The following MALRD1 variants were observed in gnomAD, a reference collection of about 807,000 sequenced individuals.
MALRD1 encodes MAM and LDL receptor class A domain containing 1.
A neutral mutation model predicts 242.1 loss-of-function variants in MALRD1; 247 were observed. The observed-to-expected ratio is 1.02, with a 90% CI of 0.92 to 1.13. The LOEUF (loss-of-function observed/expected upper bound fraction) is 1.13, where lower values mean the gene tolerates loss of function less well. Among genes scored for constraint, MALRD1 ranks in the 50% most tolerant of loss-of-function variants. MALRD1 has a pLI of 0.00. For synonymous variants in MALRD1, 995 were observed against 866.6 expected (o/e 1.15, Z -2.60); for missense variants, 2,989 against 2,533.1 (o/e 1.18, Z -3.86).
chr10:19,679,964 T>G (rs996030699), intron 36 of MALRD1, among the ~76,000 whole-genome samples: 1 of 152,206 alleles, frequency 6.6e-6, no homozygotes, highest in Non-Finnish European at 1.5e-5. Context: ...TGGTTTTGAG[T>G]AAGTTTCTTA....
intron 35 of MALRD1, among the ~76,000 whole-genome samples, chr10:19,610,137 C>T (rs1838828321): frequency 6.6e-6 from 1 of 151,898 alleles, no homozygotes; most frequent in African/African-American, 2.4e-5. Flanking sequence ...TACAATTTGA[C>T]ATTTCAGTGC....
intron 28 of MALRD1, among the ~76,000 whole-genome samples, chr10:19,409,743 A>G (rs917781612): frequency 5.3e-5 from 8 of 152,188 alleles, no homozygotes; most frequent in African/African-American, 1.7e-4. Flanking sequence ...ATTCATAGTT[A>G]TCTCACAATA....
chr10:19,489,304 C>G, intron 29 of MALRD1: 2 of 511,016 alleles, frequency 3.9e-6, no homozygotes, highest in South Asian at 2.9e-5. Flanking sequence ...TGGCTAACCA[C>G]GAAAGTAAAG....
chr10:19,225,518 ATT>A (rs141050072), intron 18 of MALRD1, among the ~76,000 whole-genome samples: 31,303 of 151,838 alleles, frequency 0.21, 3,466 homozygotes, highest in East Asian at 0.35. Context: ...TTATATATAT[ATT>A]TTTTCTGTCA....
At chr10:19,578,668 G>A (rs1589260053) in intron 33 of MALRD1, among the ~76,000 whole-genome samples, 1 of 152,044 alleles carries the variant, frequency 6.6e-6, no homozygotes, top group South Asian at 2.1e-4. Context: ...CTCCAGCCTG[G>A]GGGACAGAAA....
chr10:19,529,534 G>GA (rs1834247377), intron 31 of MALRD1, among the ~76,000 whole-genome samples: 1 of 57,454 alleles, frequency 1.7e-5, no homozygotes, highest in Non-Finnish European at 3.2e-5. Context: ...AGAGAAGACA[G>GA]AAAAAAACAG....
At chr10:19,420,804 C>T (rs768860193) in intron 28 of MALRD1, among the ~76,000 whole-genome samples, 44 of 152,146 alleles carry the variant, frequency 2.9e-4, no homozygotes, top group Non-Finnish European at 4.1e-4. Context: ...GGGGTAGCAA[C>T]GTCATCAGAG....
chr10:19,519,226 A>T (rs1040632335), intron 31 of MALRD1, among the ~76,000 whole-genome samples: 7 of 151,982 alleles, frequency 4.6e-5, no homozygotes, highest in Admixed American at 6.6e-5. Context: ...GCATAATAGC[A>T]TTTATTTACA....
At chr10:19,192,373 A>C (rs555399063) in intron 14 of MALRD1, among the ~76,000 whole-genome samples, 1 of 152,180 alleles carries the variant, frequency 6.6e-6, no homozygotes, top group Non-Finnish European at 1.5e-5. Flanking sequence ...AATAAAGAAA[A>C]AGTAGGGGGA....
chr10:19,315,623 TTATAAATATTATTTATATAAATA>T (rs1564555287), intron 21 of MALRD1, among the ~76,000 whole-genome samples: 3 of 84,870 alleles, frequency 3.5e-5, no homozygotes, highest in African/African-American at 8.4e-5. Flanking sequence ...TTTATATAAA[TTATAAATATTATTTATATAAATA>T]TATAAATATT....
chr10:19,314,719 A>G (rs1842566646), intron 21 of MALRD1, among the ~76,000 whole-genome samples: 2 of 151,548 alleles, frequency 1.3e-5, no homozygotes, highest in African/African-American at 4.8e-5. Flanking sequence ...AGTAGTATCT[A>G]TGGCTGCTTT....
At chr10:19,311,771 AT>A (rs780827044) in intron 21 of MALRD1, among the ~76,000 whole-genome samples, 20 of 151,418 alleles carry the variant, frequency 1.3e-4, no homozygotes, top group Non-Finnish European at 2.7e-4. Flanking sequence ...TTCACTATTC[AT>A]GTTCAAATCA....
At position 19,125,322 on chromosome 10, in the gene MALRD1, C is replaced by CTTCTTTCT. The variant is rs1200202607; in HGVS notation, c.943+704_943+711dup. ...CCTTCCTTCCTTCCTTCCTTCCTTCCTTCTTTCTTTCTTTCTTTCTTTCTT... is the reference window on the plus strand; with the variant it reads ...CCTTCCTTCCTTCCTTCCTTCCTTCCTTCTTTCTTTCTTTCTTTCTTTCTTTCTTTCTT... On this transcript the variant is annotated intron_variant, in intron 7 of 39. Coordinates refer to ENST00000454679, the MANE Select transcript of MALRD1 (RefSeq NM_001142308.3). 3.8e-3 allele frequency among the ~76,000 whole-genome samples: 245 copies of CTTCTTTCT among 63,778 alleles called. 7 individuals carry two copies. Among genetic ancestry groups the CTTCTTTCT allele is most frequent in the Non-Finnish European group, 5.8e-3 (173 of 29,630 alleles). The allele number at this position is 63,778 out of a possible 152,430, so 41.8% of individuals were successfully genotyped here.
rs572023694 is a variant in MALRD1 at position 19,133,935 on chromosome 10, T to G, written c.1190T>G (p.Leu397Arg). The G allele has an allele frequency of 8.1e-7, 1 of 1,228,162 alleles. No homozygotes were observed. The highest frequency in any genetic ancestry group is 4.2e-5 in the Admixed American group (1 of 23,684). 76.1% of individuals were successfully genotyped at this position (1,228,162 alleles called of 1,614,324 possible). The change falls in exon 9 of 40, where the codon CTG (leucine) becomes CGG (arginine). Residue 397 changes from leucine (L) to arginine (R), a missense_variant. Leu to Arg is a moderately radical substitution (Grantham distance 102, BLOSUM62 -2). Coordinates refer to ENST00000454679, the MANE Select transcript of MALRD1 (RefSeq NM_001142308.3). Reference protein sequence around the residue: ...VKADVLIPEDLKTFKIIFEGT... With the variant: ...VKADVLIPEDRKTFKIIFEGT... ...GCAGATGTGTTAATACCAGAAGATC[T>G]GAAGACATTTAAGGTATGAAAGAAA...
intron 35 of MALRD1, among the ~76,000 whole-genome samples, chr10:19,610,549 G>A (rs192685243): frequency 1.6e-4 from 25 of 152,020 alleles, no homozygotes; most frequent in African/African-American, 5.1e-4. Context: ...GGACTCCTAG[G>A]TGTATATATC....
intron 36 of MALRD1, among the ~76,000 whole-genome samples, chr10:19,625,306 C>A (rs1220465585): frequency 7.1e-6 from 1 of 140,428 alleles, no homozygotes; most frequent in Non-Finnish European, 1.6e-5. Context: ...ACTTTATTTG[C>A]ATTTGGCTGT....
chr10:19,615,309 A>G (rs910489895), intron 35 of MALRD1, among the ~76,000 whole-genome samples: 1 of 151,708 alleles, frequency 6.6e-6, no homozygotes, highest in Non-Finnish European at 1.5e-5. Flanking sequence ...CTTGAGGCTA[A>G]GAGTTTAAGA....
intron 36 of MALRD1, among the ~76,000 whole-genome samples, chr10:19,621,735 T>C (rs879353429): frequency 2.0e-5 from 3 of 151,752 alleles, no homozygotes; most frequent in African/African-American, 4.8e-5. Context: ...AGTCAGCAAG[T>C]ACCTGAAATT....
At chr10:19,388,835 C>G (rs1351720524) in intron 27 of MALRD1, among the ~76,000 whole-genome samples, 6 of 136,128 alleles carry the variant, frequency 4.4e-5, no homozygotes, top group African/African-American at 1.6e-4. Flanking sequence ...CTGGATGCTA[C>G]GTCATAGGCA....
Sources: allele counts gnomAD v4.1 joint callset (sites outside exome capture counted in the v4.1 genomes callset), GRCh38; gene constraint gnomAD v4.1.1; transcripts MANE v1.5; gene names NCBI Gene and HGNC (gene_info 2026-07-23, HGNC 2026-07-21).